The following CDKAL1 variants were observed in gnomAD, a reference collection of about 807,000 sequenced individuals.
CDKAL1 encodes threonylcarbamoyladenosine tRNA methylthiotransferase.
A neutral mutation model predicts 68.2 loss-of-function variants in CDKAL1; 32 were observed. The ratio of observed to expected loss-of-function variants is 0.47; its 90% confidence interval spans 0.35 to 0.63. CDKAL1 has a LOEUF of 0.63. Among genes scored for constraint, CDKAL1 ranks in the 30% least tolerant of loss-of-function variants. The pLI is 0.00. For synonymous variants in CDKAL1, 234 were observed against 244.3 expected, an observed-to-expected ratio of 0.96 and a Z score of 0.39; for missense variants, 606 against 696.7, an observed-to-expected ratio of 0.87 and a Z score of 1.47.
chr6:20,827,173 G>T (rs1777536058), intron 8 of CDKAL1, among the ~76,000 whole-genome samples: 1 of 152,174 alleles, frequency 6.6e-6, no homozygotes, highest in South Asian at 2.1e-4. Flanking sequence ...AGATGTTGGA[G>T]CCAGACCGTC....
At chr6:20,767,464 T>A (rs192220572) in intron 7 of CDKAL1, among the ~76,000 whole-genome samples, 1 of 152,206 alleles carries the variant, frequency 6.6e-6, no homozygotes, top group East Asian at 1.9e-4. Context: ...TCTTCAATTT[T>A]TTTTTAAAAA....
intron 8 of CDKAL1, among the ~76,000 whole-genome samples, chr6:20,804,672 A>G (rs571930332): frequency 7.9e-4 from 120 of 152,304 alleles, no homozygotes; most frequent in African/African-American, 2.7e-3. Context: ...TGCAGCAGAC[A>G]GTATCTATGA....
At chr6:21,107,451 G>C (rs1256155270) in intron 12 of CDKAL1, among the ~76,000 whole-genome samples, 1 of 151,632 alleles carries the variant, frequency 6.6e-6, no homozygotes, top group African/African-American at 2.4e-5. Context: ...TTATTGAAAT[G>C]GAGTCTCCCT....
At chr6:20,596,956 C>A (rs1031986369) in intron 4 of CDKAL1, among the ~76,000 whole-genome samples, 4 of 152,232 alleles carry the variant, frequency 2.6e-5, no homozygotes, top group African/African-American at 9.6e-5. Flanking sequence ...TTCGGCTTGC[C>A]CCCCATGGGC....
At chr6:21,220,899 G>T (rs1323935537) in intron 15 of CDKAL1, among the ~76,000 whole-genome samples, 1 of 152,132 alleles carries the variant, frequency 6.6e-6, no homozygotes, top group East Asian at 1.9e-4. Context: ...AGGCACGGTG[G>T]CTCATACCTG....
chr6:20,613,216 C>A (rs868428074), intron 4 of CDKAL1, among the ~76,000 whole-genome samples: 1 of 136,918 alleles, frequency 7.3e-6, no homozygotes, highest in Non-Finnish European at 1.6e-5. Context: ...GATTTGGTTA[C>A]CTTGTTTTAT....
rs1763295719 is a variant in CDKAL1 at position 20,539,256 on chromosome 6, ATTG to A, written c.-6+3863_-6+3865del. ...ATACTCAGAATATCTATATCCATAT[ATTG>A]CCCGACTGTGTAGTCTGCAGTAAAA... On this transcript the variant is annotated intron_variant, in intron 2 of 15. Coordinates refer to ENST00000274695, the MANE Select transcript of CDKAL1 (RefSeq NM_017774.3). This position sits in a 1 kb window ranked among gnomAD's most constrained non-coding sequence, Gnocchi z 4.3. Among the ~76,000 whole-genome samples, 1 of 152,216 alleles carries A rather than the reference ATTG, an allele frequency of 6.6e-6. No homozygotes were observed. The highest frequency in any genetic ancestry group is 6.5e-5 in the Admixed American group (1 of 15,276).
intron 10 of CDKAL1, among the ~76,000 whole-genome samples, chr6:20,985,896 C>A (rs967977134): frequency 6.6e-6 from 1 of 151,198 alleles, no homozygotes; most frequent in South Asian, 2.1e-4. Context: ...CTTCTTTTAC[C>A]TTCTTTCTCA....
chr6:20,837,555 G>GTT, intron 8 of CDKAL1, among the ~76,000 whole-genome samples: 1 of 152,090 alleles, frequency 6.6e-6, no homozygotes, highest in East Asian at 1.9e-4. Flanking sequence ...TTTGCCTGTG[G>GTT]CTTAGTCAGA....
chr6:20,655,300 A>G (rs1768972451), intron 5 of CDKAL1, among the ~76,000 whole-genome samples: 1 of 152,208 alleles, frequency 6.6e-6, no homozygotes, highest in Admixed American at 6.5e-5. Flanking sequence ...TGTAAGGAAG[A>G]GTATAGATCA....
At chr6:20,963,715 CACAAGA>C (rs1196383499) in intron 10 of CDKAL1, among the ~76,000 whole-genome samples, 8 of 152,120 alleles carry the variant, frequency 5.3e-5, no homozygotes, top group Non-Finnish European at 1.0e-4. Flanking sequence ...TCCTGAGGAA[CACAAGA>C]ACATGCCTAG....
intron 12 of CDKAL1, among the ~76,000 whole-genome samples, chr6:21,069,893 C>G (rs1025015760): frequency 1.3e-5 from 2 of 149,608 alleles, no homozygotes; most frequent in African/African-American, 4.9e-5. Context: ...GGGTTCACGC[C>G]ATTCTTCTGC....
chr6:20,539,251 C>T lies in CDKAL1; in HGVS notation c.-6+3857C>T, dbSNP rs1236096380. On this transcript the variant is annotated intron_variant, in intron 2 of 15. Transcript: ENST00000274695. The surrounding 1 kb of genome is among the most constrained non-coding windows in gnomAD (Gnocchi z 4.3). ...TTGGCATACTCAGAATATCTATATC[C>T]ATATATTGCCCGACTGTGTAGTCTG... Among the ~76,000 whole-genome samples, 2 of 152,096 alleles carry T rather than the reference C, an allele frequency of 1.3e-5. No homozygotes were observed. The highest frequency in any genetic ancestry group is 4.8e-5 in the African/African-American group (2 of 41,412).
At chr6:20,660,538 C>T (rs1267643987) in intron 5 of CDKAL1, among the ~76,000 whole-genome samples, 1 of 152,206 alleles carries the variant, frequency 6.6e-6, no homozygotes, top group Non-Finnish European at 1.5e-5. Context: ...AAAGGAGTAT[C>T]TCCCTTCTTG....
intron 11 of CDKAL1, among the ~76,000 whole-genome samples, chr6:21,030,274 T>TA (rs1487872193): frequency 1.3e-5 from 2 of 152,026 alleles, no homozygotes; most frequent in African/African-American, 4.8e-5. Context: ...AGTTGAACAA[T>TA]AAGTTGAACA....
chr6:20,616,881 A>ACACT (rs1334938532), intron 4 of CDKAL1, among the ~76,000 whole-genome samples: 1 of 149,678 alleles, frequency 6.7e-6, no homozygotes, highest in Non-Finnish European at 1.5e-5. Context: ...ACACACACAC[A>ACACT]CTACAAAAAT....
chr6:21,000,128 C>A, intron 10 of CDKAL1, 99 bp from the exon 11 acceptor site: 1 of 828,758 alleles, frequency 1.2e-6, no homozygotes, highest in Non-Finnish European at 1.9e-6. Flanking sequence ...CTGTTTTCAG[C>A]TAGTATGTTT....
At chr6:20,881,976 T>C (rs1336768023) in intron 9 of CDKAL1, among the ~76,000 whole-genome samples, 1 of 152,234 alleles carries the variant, frequency 6.6e-6, no homozygotes, top group Non-Finnish European at 1.5e-5. Context: ...AAATTTCTTT[T>C]CTTTTCCTTT....
At chr6:21,033,289 T>C (rs1769395536) in intron 11 of CDKAL1, among the ~76,000 whole-genome samples, 1 of 152,166 alleles carries the variant, frequency 6.6e-6, no homozygotes. Context: ...AGATCAGCAC[T>C]GGCAATGGAA....
Sources: gnomAD v4.1 joint callset for allele counts (sites outside exome capture counted in the v4.1 genomes callset) on GRCh38, gnomAD v4.1.1 for gene constraint, Gnocchi (gnomAD v3.1) non-coding constraint, MANE v1.5 for transcripts, NCBI Gene and HGNC (gene_info 2026-07-23, HGNC 2026-07-21) for gene names.